The following HTT variants were observed in gnomAD, a reference collection of about 807,000 sequenced individuals.
HTT encodes huntington disease protein.
HTT carries 104 observed loss-of-function variants against 362.3 expected under a neutral mutation model. That is an observed-to-expected ratio of 0.29 (90% confidence interval 0.24 to 0.34). HTT has a LOEUF of 0.34. Ranked by LOEUF, HTT falls within the 10% of genes least tolerant of loss-of-function variation. HTT has a pLI of 1.00. For synonymous variants in HTT, 1,577 were observed against 1,548.7 expected (o/e 1.02, Z -0.43); for missense variants, 3,301 against 3,928.6 (o/e 0.84, Z 4.27).
chr4:3,077,526 T>G (rs1712621874), intron 1 of HTT, among the ~76,000 whole-genome samples: 1 of 152,154 alleles, frequency 6.6e-6, no homozygotes, highest in Non-Finnish European at 1.5e-5. Context: ...TTCAAATGCT[T>G]CTCCTGCCTC....
At chr4:3,099,199 C>A (rs1012511809) in intron 2 of HTT, 75 bp from the exon 3 acceptor site, 2 of 970,058 alleles carry the variant, frequency 2.1e-6, no homozygotes, top group South Asian at 1.4e-5. Context: ...ATGCAGGACA[C>A]CGGATACCTC....
At chr4:3,117,993 A>T (rs1715113971) in intron 8 of HTT, among the ~76,000 whole-genome samples, 2 of 152,206 alleles carry the variant, frequency 1.3e-5, no homozygotes, top group Admixed American at 1.3e-4. Context: ...AAGGATTGTA[A>T]ATCTCTTTGA....
chr4:3,075,031 C>A lies in HTT; in HGVS notation c.206C>A (p.Pro69Gln). ...CTGCTGCCTCAGCCGCAGCCGCCCCCGCCGCCGCCCCCGCCGCCACCCGGC... is the reference window on the plus strand; with the variant it reads ...CTGCTGCCTCAGCCGCAGCCGCCCCAGCCGCCGCCCCCGCCGCCACCCGGC... ...QPLLPQPQPP[P>Q]PPPPPPPGPA... Residue 69 changes from proline to glutamine, a missense_variant, in exon 1 of 67, where the codon CCG (proline) becomes CAG (glutamine). Pro to Gln is a moderately conservative substitution (Grantham distance 76, BLOSUM62 -1). Transcript: ENST00000355072. 8.0e-7 allele frequency: 1 copy of A among 1,247,822 alleles called. No homozygotes were observed. Among genetic ancestry groups the A allele is most frequent in the South Asian group, 3.6e-5 (1 of 28,128 alleles). 77.3% of individuals were successfully genotyped at this position (1,247,822 alleles called of 1,614,324 possible). A position where few individuals can be genotyped will look rare whatever the true frequency, so the allele number is the denominator to read the frequency against.
intron 32 of HTT, 47 bp downstream of exon 32, chr4:3,174,846 A>G: frequency 3.2e-6 from 5 of 1,586,620 alleles, no homozygotes; most frequent in Non-Finnish European, 4.3e-6. Context: ...TGTCAGTGCT[A>G]GAGAGGAAAC....
rs1481328830 is a variant in HTT, at chr4:3,112,035, CTTTTT to C, written c.748-3268_748-3264del. The stretch of plus-strand genomic sequence containing the variant: ...TCAGTCAGTTATGTAGCTCTTGTTA[CTTTTT>C]AGCTTCCGAAGTTTTGTTGACACCC... On this transcript the variant is annotated intron_variant, in intron 6 of 66. Transcript: ENST00000355072. Among the ~76,000 whole-genome samples the C allele has an allele frequency of 3.9e-5, 6 of 152,192 alleles. No individual in the cohort carries two copies. The East Asian group carries it at 1.2e-3, about 29-fold the overall frequency.
intron 46 of HTT, 149 bp downstream of exon 46, chr4:3,209,060 G>T: frequency 1.1e-6 from 1 of 871,196 alleles, no homozygotes; most frequent in Non-Finnish European, 1.7e-6. Flanking sequence ...TAGAGACGTG[G>T]GGGGCCATCA....
At chr4:3,113,686 G>C (rs962489353) in intron 6 of HTT, among the ~76,000 whole-genome samples, 3 of 152,276 alleles carry the variant, frequency 2.0e-5, no homozygotes, top group African/African-American at 7.2e-5. Context: ...GTTTGTCAGA[G>C]ATGATTCTAC....
At chr4:3,178,646 A>C (rs1322840969) in intron 35 of HTT, among the ~76,000 whole-genome samples, 200 bp downstream of exon 35, 1 of 152,192 alleles carries the variant, frequency 6.6e-6, no homozygotes, top group Non-Finnish European at 1.5e-5. Context: ...AGCAATTTGT[A>C]ATCTTCTCAG....
At chr4:3,159,123 T>C (rs1578548361) in intron 28 of HTT, among the ~76,000 whole-genome samples, 1 of 152,244 alleles carries the variant, frequency 6.6e-6, no homozygotes, top group African/African-American at 2.4e-5. Flanking sequence ...TCTGCTGAGT[T>C]GCTCAGCGTC....
At chr4:3,164,624 T>A (rs1389138215) in intron 29 of HTT, among the ~76,000 whole-genome samples, 3 of 152,210 alleles carry the variant, frequency 2.0e-5, no homozygotes, top group African/African-American at 7.2e-5. Context: ...GGCGTGTATA[T>A]TTAGGATAGT....
At chr4:3,151,113 CTA>C (rs1560570531) in intron 26 of HTT, among the ~76,000 whole-genome samples, 1 of 151,414 alleles carries the variant, frequency 6.6e-6, no homozygotes, top group Non-Finnish European at 1.5e-5. Context: ...CATCTGAGCT[CTA>C]TCTCCTCTCA....
rs142603199 is a variant in HTT at position 3,098,660 on chromosome 4, C to G, written c.348-614C>G. ...ATAGTTTACAAATAGTAAACAAACT[C>G]CAGTTTTTGTGACTCTTTGTCTCGC... On this transcript the variant is annotated intron_variant, in intron 2 of 66. Transcript: ENST00000355072. Among the ~76,000 whole-genome samples the G allele has an allele frequency of 1.7e-3, 253 of 152,304 alleles. 2 individuals are homozygous for G. Among genetic ancestry groups the G allele is most frequent in the Admixed American group, 3.0e-3 (46 of 15,292 alleles).
In HTT at chr4:3,240,139, C is replaced by A; in HGVS notation, c.*80C>A. 7.9e-7 allele frequency: 1 copy of A among 1,260,532 alleles called. No homozygotes were observed. The highest frequency in any genetic ancestry group is 1.1e-6 in the Non-Finnish European group (1 of 895,300). 78.1% of individuals were successfully genotyped at this position (1,260,532 alleles called of 1,614,324 possible). A position where few individuals can be genotyped will look rare whatever the true frequency, so the allele number is the denominator to read the frequency against. ...TCTGCGCCCTTGTGCCCTGCCTCCA[C>A]CGAGCCAGCTTGGTCCCTATGGGCT... On this transcript the variant is annotated 3_prime_UTR_variant, in exon 67 of 67. Transcript: ENST00000355072.
Position 3,187,374 on chromosome 4 carries a change from C to T in HTT, c.4990-277C>T, listed in dbSNP as rs926362976. Reference sequence around the variant, plus strand: ...GTTTCACTGTGTTAGCCAGGATGGTCGCGATCTCCTGACCTTGTGATCCGC... The same window carrying T: ...GTTTCACTGTGTTAGCCAGGATGGTTGCGATCTCCTGACCTTGTGATCCGC... On this transcript the variant is annotated intron_variant, in intron 38 of 66. Transcript: ENST00000355072. 4.6e-5 allele frequency among the ~76,000 whole-genome samples: 7 copies of T among 152,088 alleles called. No homozygotes were observed. The South Asian group carries it at 6.2e-4, about 14-fold the overall frequency.
rs201948833 is a variant in HTT, at chr4:3,121,381, A to C, written c.1222A>C (p.Lys408Gln). The C allele has an allele frequency of 5.0e-6, 8 of 1,614,162 alleles. No homozygotes were observed. In the East Asian group the frequency reaches 1.3e-4, roughly 27 times the overall value. The part of the protein sequence containing the change: ...VGGIGQLTAA[K>Q]EESGGRSRSG... ...GGGCATTGGGCAGCTCACCGCTGCT[A>C]AGGAGGAGTCTGGTGGCCGAAGCCG... The change falls in exon 9 of 67, where the codon AAG (lysine) becomes CAG (glutamine). Residue 408 changes from lysine to glutamine, a missense_variant. Physicochemically the swap from Lys to Gln is moderately conservative, Grantham distance 53. Transcript: ENST00000355072.
intron 41 of HTT, among the ~76,000 whole-genome samples, chr4:3,200,750 G>A (rs1450446175): frequency 1.3e-5 from 2 of 152,220 alleles, no homozygotes; most frequent in East Asian, 3.8e-4. Flanking sequence ...TCCACTCTGT[G>A]CCGTATGTAG....
intron 51 of HTT, among the ~76,000 whole-genome samples, chr4:3,216,579 C>T (rs953341115): frequency 5.9e-5 from 9 of 152,124 alleles, no homozygotes; most frequent in Non-Finnish European, 8.8e-5. Context: ...GACATCTTGG[C>T]GGTTTGAGTT....
At position 3,205,309 on chromosome 4, in the gene HTT, G is replaced by A. The variant is rs78302371; in HGVS notation, c.5718+1161G>A. On this transcript the variant is annotated intron_variant, in intron 42 of 66. Transcript: ENST00000355072. ...TTTGTCACAAACATGGTATCTTATA[G>A]ATACTACTGTCACATAGCAAAACAG... is the stretch of plus-strand genomic sequence containing the variant. 6.7e-3 allele frequency among the ~76,000 whole-genome samples: 1,015 copies of A among 152,112 alleles called. 13 individuals are homozygous for A. The highest frequency in any genetic ancestry group is 0.022 in the African/African-American group (931 of 41,488).
rs1354383442 is a variant in HTT at position 3,239,996 on chromosome 4, A to T, written c.9366A>T (p.Pro3122=). 2 of 1,601,688 alleles carry T rather than the reference A, an allele frequency of 1.2e-6. No individual in the cohort carries two copies. Among genetic ancestry groups the T allele is most frequent in the Non-Finnish European group, 1.7e-6 (2 of 1,173,792 alleles). ...CTGTGCTTGAGGTGGTTGCAGCCCC[A>T]GGAAGCCCATATCACCGGCTGCTGA... ...FQSVLEVVAA[P]GSPYHRLLTC... is the part of the protein sequence containing the mutation. Residue 3122 remains proline (P), a synonymous_variant, in exon 67 of 67, where the codon CCA becomes CCT. Transcript: ENST00000355072.
Sources: allele counts gnomAD v4.1 joint callset (sites outside exome capture counted in the v4.1 genomes callset), GRCh38; gene constraint gnomAD v4.1.1; transcripts MANE v1.5; gene names NCBI Gene and HGNC (gene_info 2026-07-23, HGNC 2026-07-21).